SCN2A: variants seen among roughly 807,000 people sequenced by gnomAD.
The protein encoded by SCN2A is sodium channel protein type 2 subunit alpha.
Under a neutral mutation model 188.7 loss-of-function variants are expected in SCN2A, and 20 were observed. The observed-to-expected ratio is 0.11, with a 90% confidence interval of 0.07 to 0.15. SCN2A has a LOEUF of 0.15. SCN2A is among the 10% of genes least tolerant of loss of function. The pLI, the probability that SCN2A is intolerant of heterozygous loss-of-function variation, is 1.00. For missense variants in SCN2A, 1,278 were observed against 2,445.0 expected, an observed-to-expected ratio of 0.52 and a Z score of 10.07; for synonymous variants, 804 against 833.1, an observed-to-expected ratio of 0.97 and a Z score of 0.60.
chr2:165,324,656 A>C (rs961562037), intron 12 of SCN2A, among the ~76,000 whole-genome samples: 1 of 152,360 alleles, frequency 6.6e-6, no homozygotes, highest in East Asian at 1.9e-4. Flanking sequence ...AGAACACTGT[A>C]CATGTGTTAA....
Position 165,286,284 on chromosome 2 carries a change from A to G in SCN2A, c.-51-9489A>G, listed in dbSNP as rs117692145. 9.6e-4 allele frequency among the ~76,000 whole-genome samples: 146 copies of G among 152,298 alleles called. 1 individual carries two copies. The East Asian group carries it at 0.022, about 23-fold the overall frequency. ...TCTGGTTAGTTCACCTGGGAAACAA[A>G]GAGGCTGAACATGGGGCTCACCATG... On this transcript the variant is annotated intron_variant, in intron 1 of 26. Coordinates refer to ENST00000375437, the MANE Select transcript of SCN2A (RefSeq NM_001040142.2).
intron 17 of SCN2A, among the ~76,000 whole-genome samples, chr2:165,361,609 T>C (rs1700461987): frequency 6.6e-6 from 1 of 152,012 alleles, no homozygotes; most frequent in Non-Finnish European, 1.5e-5. Context: ...TTCTTTGTTA[T>C]TTGTAAATCA....
At chr2:165,266,703 C>A (rs1056466485) in intron 1 of SCN2A, 3 of 151,904 alleles carry the variant, frequency 2.0e-5, no homozygotes, top group African/African-American at 7.3e-5. Context: ...TATATCCTAC[C>A]GTAAAAGGTT....
intron 14 of SCN2A, among the ~76,000 whole-genome samples, chr2:165,338,328 C>T (rs1472402924): frequency 6.8e-6 from 1 of 147,884 alleles, no homozygotes; most frequent in South Asian, 2.1e-4. Flanking sequence ...GGTGCGATCT[C>T]GGCTCACTGC....
At position 165,369,667 on chromosome 2, in the gene SCN2A, A is replaced by G. The variant is rs1700922741; in HGVS notation, c.3676-459A>G. Among the ~76,000 whole-genome samples, 2 of 152,000 alleles carry G rather than the reference A, an allele frequency of 1.3e-5. 1 individual carries two copies. The highest frequency in any genetic ancestry group is 2.9e-5 in the Non-Finnish European group (2 of 67,988). ...TCCAAACGTACACCCACCCGCCTCC[A>G]CACACACACAGACACACAGAGAGAG... is the stretch of plus-strand genomic sequence containing the variant. On this transcript the variant is annotated intron_variant, in intron 19 of 26. Coordinates refer to ENST00000375437, the MANE Select transcript of SCN2A (RefSeq NM_001040142.2).
intron 11 of SCN2A, among the ~76,000 whole-genome samples, chr2:165,319,435 A>G (rs1327635357): frequency 6.6e-6 from 1 of 152,250 alleles, no homozygotes; most frequent in East Asian, 1.9e-4. Context: ...TTTAATAGAA[A>G]CTAACAGATA....
At chr2:165,359,853 A>G (rs1462070168) in intron 17 of SCN2A, among the ~76,000 whole-genome samples, 3 of 152,046 alleles carry the variant, frequency 2.0e-5, no homozygotes, top group Non-Finnish European at 4.4e-5. Context: ...ACATCATGAC[A>G]TAAGAGTTCC....
At chr2:165,291,418 CCCTGTCTG>C (rs1696129886) in intron 1 of SCN2A, among the ~76,000 whole-genome samples, 2 of 127,484 alleles carry the variant, frequency 1.6e-5, no homozygotes, top group African/African-American at 5.8e-5. Flanking sequence ...CTTCCTTCCT[CCCTGTCTG>C]TCTTTCTTTC....
Position 165,362,714 on chromosome 2 carries a change from C to T in SCN2A, c.3400-2429C>T, listed in dbSNP as rs567098871. On this transcript the variant is annotated intron_variant, in intron 17 of 26. Coordinates refer to ENST00000375437, the MANE Select transcript of SCN2A (RefSeq NM_001040142.2). ...TGTATTATCCATAGGGCCTAGAGTA[C>T]GTGGCTTCTGCCCCCAAATGTCTTA... Among the ~76,000 whole-genome samples, 4 of 152,090 alleles carry T rather than the reference C, an allele frequency of 2.6e-5. No individual in the cohort carries two copies. In the South Asian group the frequency reaches 6.2e-4, roughly 24 times the overall value.
chr2:165,261,899 G>A (rs908725598), intron 1 of SCN2A, among the ~76,000 whole-genome samples: 1 of 152,124 alleles, frequency 6.6e-6, no homozygotes, highest in Non-Finnish European at 1.5e-5. Flanking sequence ...GCTTTTGAGT[G>A]CTTTGGTTAT....
At chr2:165,244,529 G>A (rs958108814) in intron 1 of SCN2A, among the ~76,000 whole-genome samples, 2 of 151,902 alleles carry the variant, frequency 1.3e-5, no homozygotes, top group East Asian at 1.9e-4. Context: ...ATGTAATATC[G>A]TTTTGTTTAT....
At chr2:165,256,227 A>G (rs1461508549) in intron 1 of SCN2A, among the ~76,000 whole-genome samples, 5 of 150,790 alleles carry the variant, frequency 3.3e-5, no homozygotes, top group African/African-American at 1.2e-4. Flanking sequence ...CTGATCGCAA[A>G]CTCCTGACCT....
intron 1 of SCN2A, among the ~76,000 whole-genome samples, chr2:165,252,280 G>C (rs550123482): frequency 1.3e-5 from 2 of 151,966 alleles, no homozygotes; most frequent in Admixed American, 1.3e-4. Flanking sequence ...TTTGGAAAAA[G>C]TATAGAGGGG....
At chr2:165,260,765 G>A (rs1390145472) in intron 1 of SCN2A, among the ~76,000 whole-genome samples, 7 of 151,914 alleles carry the variant, frequency 4.6e-5, no homozygotes, top group African/African-American at 1.7e-4. Flanking sequence ...TTAGGAGTTC[G>A]AGACCAGTCT....
intron 14 of SCN2A, among the ~76,000 whole-genome samples, chr2:165,336,270 A>G (rs1054795814): frequency 6.6e-6 from 1 of 151,970 alleles, no homozygotes; most frequent in African/African-American, 2.4e-5. Context: ...TATCTAAGAG[A>G]ATTAAAAACA....
chr2:165,257,424 A>G (rs1029181938), intron 1 of SCN2A, among the ~76,000 whole-genome samples: 3 of 152,174 alleles, frequency 2.0e-5, no homozygotes, highest in African/African-American at 7.2e-5. Context: ...CCTAGTCTAT[A>G]AGAGACTTAT....
intron 26 of SCN2A, among the ~76,000 whole-genome samples, chr2:165,387,977 G>T (rs1190272713): frequency 6.6e-6 from 1 of 152,000 alleles, no homozygotes; most frequent in Non-Finnish European, 1.5e-5. Context: ...GTTTTGCAAG[G>T]AATTTTTCTG....
intron 1 of SCN2A, chr2:165,293,796 C>T (rs1011472959): frequency 1.0e-6 from 1 of 967,080 alleles, no homozygotes. Flanking sequence ...CCAAGAAAAG[C>T]CTGTGGAAGA....
chr2:165,368,598 A>G (rs144994155), intron 19 of SCN2A, among the ~76,000 whole-genome samples: 42 of 152,256 alleles, frequency 2.8e-4, no homozygotes, highest in Non-Finnish European at 5.6e-4. Context: ...TAAGAAGTAG[A>G]CTCACTTAAT....
Sources: gnomAD v4.1 joint callset for allele counts (sites outside exome capture counted in the v4.1 genomes callset) on GRCh38, gnomAD v4.1.1 for gene constraint, MANE v1.5 for transcripts, NCBI Gene and HGNC (gene_info 2026-07-23, HGNC 2026-07-21) for gene names.